Variants in VPS13D observed in about 807,000 individuals in gnomAD.
VPS13D encodes vacuolar protein sorting 13 homolog D.
A neutral mutation model predicts 461.9 loss-of-function variants in VPS13D; 187 were observed. The observed-to-expected ratio is 0.40, with a 90% confidence interval of 0.36 to 0.46. VPS13D has a LOEUF of 0.46. Among genes scored for constraint, VPS13D ranks in the 20% least tolerant of loss-of-function variants. VPS13D has a pLI of 0.60. For synonymous variants in VPS13D, 1,951 were observed against 1,986.3 expected, an observed-to-expected ratio of 0.98 and a Z score of 0.47; for missense variants, 4,711 against 5,364.9, an observed-to-expected ratio of 0.88 and a Z score of 3.81.
chr1:12,325,799 A>C (rs1643166605), intron 35 of VPS13D, among the ~76,000 whole-genome samples: 1 of 152,118 alleles, frequency 6.6e-6, no homozygotes, highest in Non-Finnish European at 1.5e-5. Flanking sequence ...GATATATTAT[A>C]ATTTACTTAA....
At chr1:12,384,291 G>C (rs770559781) in intron 58 of VPS13D, among the ~76,000 whole-genome samples, 2 of 152,164 alleles carry the variant, frequency 1.3e-5, no homozygotes, top group Admixed American at 1.3e-4. Context: ...ATGAGGGAGA[G>C]GAAGGAGTCA....
intron 67 of VPS13D, among the ~76,000 whole-genome samples, chr1:12,460,682 A>G (rs1032357399): frequency 2.6e-5 from 4 of 151,248 alleles, no homozygotes; most frequent in Non-Finnish European, 4.4e-5. Context: ...ATGTATAACT[A>G]TATTATGTTA....
chr1:12,335,672 G>C (rs1643432864), intron 38 of VPS13D, 33 bp from the exon 39 acceptor site: 1 of 1,565,228 alleles, frequency 6.4e-7, no homozygotes, highest in Non-Finnish European at 8.6e-7. Flanking sequence ...ATCTTTTTTA[G>C]TTCTCTTAAT....
At chr1:12,347,461 C>T (rs756594638) in intron 44 of VPS13D, among the ~76,000 whole-genome samples, 2 of 152,144 alleles carry the variant, frequency 1.3e-5, no homozygotes, top group African/African-American at 2.4e-5. Flanking sequence ...TGAGCCAACG[C>T]GCCCAGCCTA....
chr1:12,323,264 C>CG, intron 34 of VPS13D, among the ~76,000 whole-genome samples: 1 of 151,354 alleles, frequency 6.6e-6, no homozygotes, highest in East Asian at 1.9e-4. Context: ...TTTTTAGAGA[C>CG]GGGGTCTTGC....
At chr1:12,356,633 C>G in intron 49 of VPS13D, 109 bp downstream of exon 49, 1 of 1,390,738 alleles carries the variant, frequency 7.2e-7, no homozygotes, top group Non-Finnish European at 9.5e-7. Context: ...AGATAACAAT[C>G]CTGACTTGGC....
Position 12,321,829 on chromosome 1 carries a change from G to T in VPS13D, c.7569G>T (p.Gly2523=). The part of the protein sequence containing the change: ...FGIEVFSCRL[G]NEHDTALSIV... Reference sequence around the variant, plus strand: ...TGTAGGTGTTTTCATGCCGACTAGGGAATGAGCATGATACAGCTCTTTCAA... The same window carrying T: ...TGTAGGTGTTTTCATGCCGACTAGGTAATGAGCATGATACAGCTCTTTCAA... The change falls in exon 33 of 70, where the codon GGG becomes GGT. Residue 2523 remains glycine, a synonymous_variant. Coordinates refer to ENST00000620676, the MANE Select transcript of VPS13D (RefSeq NM_015378.4). The T allele has an allele frequency of 6.2e-7, 1 of 1,602,068 alleles. No individual in the cohort carries two copies. Among genetic ancestry groups the T allele is most frequent in the East Asian group, 2.3e-5 (1 of 44,290 alleles).
intron 6 of VPS13D, among the ~76,000 whole-genome samples, chr1:12,253,391 G>C (rs1455781629): frequency 6.6e-6 from 1 of 152,146 alleles, no homozygotes; most frequent in East Asian, 1.9e-4. Flanking sequence ...GGTTGACCCA[G>C]CCCTTTCCTC....
intron 46 of VPS13D, 119 bp from the exon 47 acceptor site, chr1:12,353,855 T>G: frequency 3.8e-6 from 4 of 1,049,528 alleles, no homozygotes; most frequent in Non-Finnish European, 5.4e-6. Flanking sequence ...GATTGAAAAC[T>G]GCAAATAATT....
intron 58 of VPS13D, among the ~76,000 whole-genome samples, chr1:12,384,939 A>G (rs762572837): frequency 2.6e-5 from 4 of 152,270 alleles, no homozygotes; most frequent in Non-Finnish European, 5.9e-5. Flanking sequence ...ACTTTAAAAA[A>G]CAATCTTAAG....
intron 65 of VPS13D, among the ~76,000 whole-genome samples, chr1:12,451,357 T>C (rs1342748754): frequency 1.3e-5 from 2 of 152,178 alleles, no homozygotes; most frequent in East Asian, 3.8e-4. Flanking sequence ...AAATATTGCT[T>C]TATAGAAGTT....
At chr1:12,488,545 A>G (rs1645832639) in intron 67 of VPS13D, among the ~76,000 whole-genome samples, 1 of 151,898 alleles carries the variant, frequency 6.6e-6, no homozygotes, top group African/African-American at 2.4e-5. Flanking sequence ...ATATATAAAC[A>G]TTGAAAGAAA....
chr1:12,462,544 C>A (rs1645425929), intron 67 of VPS13D, among the ~76,000 whole-genome samples: 1 of 152,208 alleles, frequency 6.6e-6, no homozygotes, highest in Non-Finnish European at 1.5e-5. Context: ...TTGTCCACAG[C>A]CACACAGCTG....
chr1:12,368,861 A>G (rs1283011871), intron 53 of VPS13D, among the ~76,000 whole-genome samples: 2 of 152,222 alleles, frequency 1.3e-5, no homozygotes, highest in East Asian at 1.9e-4. Context: ...GTTGGTTGAC[A>G]CTGTGCCTTC....
chr1:12,359,059 G>A (rs1365569574), intron 50 of VPS13D, among the ~76,000 whole-genome samples: 2 of 152,158 alleles, frequency 1.3e-5, no homozygotes, highest in African/African-American at 2.4e-5. Flanking sequence ...GTCAGAAGTA[G>A]GATCAGGATT....
At chr1:12,370,079 T>TAC (rs1430969864) in intron 54 of VPS13D, among the ~76,000 whole-genome samples, 2 of 152,248 alleles carry the variant, frequency 1.3e-5, no homozygotes, top group African/African-American at 4.8e-5. Flanking sequence ...CCATTGAGAA[T>TAC]ACTGGTTAAG....
chr1:12,481,083 G>C (rs1184411303), intron 67 of VPS13D, among the ~76,000 whole-genome samples: 1 of 152,216 alleles, frequency 6.6e-6, no homozygotes, highest in Non-Finnish European at 1.5e-5. Flanking sequence ...CCCTCAGTTG[G>C]AGGAAAGTCT....
intron 36 of VPS13D, among the ~76,000 whole-genome samples, chr1:12,328,427 A>T (rs1464044388): frequency 6.8e-6 from 1 of 148,046 alleles, no homozygotes; most frequent in African/African-American, 2.5e-5. Context: ...TCTCAAACGC[A>T]TGGGCTCAAG....
chr1:12,371,913 T>C (rs1570029317), intron 54 of VPS13D, among the ~76,000 whole-genome samples: 1 of 152,218 alleles, frequency 6.6e-6, no homozygotes, highest in South Asian at 2.1e-4. Context: ...CTGGGTTCTA[T>C]TATAATTCTA....
Sources: gnomAD v4.1 joint callset for allele counts (sites outside exome capture counted in the v4.1 genomes callset) on GRCh38, gnomAD v4.1.1 for gene constraint, MANE v1.5 for transcripts, NCBI Gene and HGNC (gene_info 2026-07-23, HGNC 2026-07-21) for gene names.